The following PLXDC2 variants were observed in gnomAD, a reference collection of about 807,000 sequenced individuals.
PLXDC2 encodes plexin domain-containing protein 2.
In PLXDC2, 40 loss-of-function variants were observed where a neutral mutation model predicts 68.9. The ratio of observed to expected loss-of-function variants is 0.58; its 90% CI spans 0.45 to 0.76. The LOEUF (loss-of-function observed/expected upper bound fraction) is 0.76, where lower values mean the gene tolerates loss of function less well. Among genes scored for constraint, PLXDC2 ranks in the 30% least tolerant of loss-of-function variants. PLXDC2 has a pLI of 0.00. For missense variants in PLXDC2, 644 were observed against 661.9 expected (o/e 0.97, Z 0.30); for synonymous variants, 243 against 234.2 (o/e 1.04, Z -0.34).
At chr10:19,886,989 A>G (rs1361572660) in intron 1 of PLXDC2, among the ~76,000 whole-genome samples, 1 of 152,208 alleles carries the variant, frequency 6.6e-6, no homozygotes, top group Non-Finnish European at 1.5e-5. Context: ...AATGAAAAAC[A>G]TAGTGTCTCA....
chr10:19,917,581 A>G (rs1030573507), intron 1 of PLXDC2, among the ~76,000 whole-genome samples: 1 of 152,160 alleles, frequency 6.6e-6, no homozygotes, highest in African/African-American at 2.4e-5. Flanking sequence ...CAGTTTCTGG[A>G]TTTTAAGCAC....
At chr10:20,023,539 T>C (rs1195680048) in intron 2 of PLXDC2, among the ~76,000 whole-genome samples, 1 of 152,152 alleles carries the variant, frequency 6.6e-6, no homozygotes, top group African/African-American at 2.4e-5. Flanking sequence ...GTTCAGCTCC[T>C]TTCTCTTGCT....
chr10:20,249,802 C>T (rs1306489416), intron 13 of PLXDC2, among the ~76,000 whole-genome samples: 12 of 152,160 alleles, frequency 7.9e-5, no homozygotes, highest in Admixed American at 3.3e-4. Context: ...ATGCATCACA[C>T]GCTTCCAATT....
intron 4 of PLXDC2, among the ~76,000 whole-genome samples, chr10:20,117,501 T>C (rs1833637525): frequency 6.6e-6 from 1 of 152,212 alleles, no homozygotes; most frequent in Admixed American, 6.5e-5. Context: ...AGGCAGACAG[T>C]TGATGGACTC....
chr10:20,171,659 AT>A (rs1410514050), intron 7 of PLXDC2, among the ~76,000 whole-genome samples: 1 of 152,162 alleles, frequency 6.6e-6, no homozygotes, highest in Non-Finnish European at 1.5e-5. Context: ...TGATTAATCA[AT>A]TTTTACATAT....
intron 12 of PLXDC2, among the ~76,000 whole-genome samples, chr10:20,241,859 T>C (rs537684814): frequency 1.3e-5 from 2 of 152,132 alleles, no homozygotes; most frequent in African/African-American, 4.8e-5. Flanking sequence ...AAGGACTGTT[T>C]ATGATGGCAG....
chr10:19,816,909 C>T lies in PLXDC2; in HGVS notation c.-171C>T, dbSNP rs1448084291. 1.2e-5 allele frequency: 7 copies of T among 604,390 alleles called. No homozygotes were observed. Among genetic ancestry groups the T allele is most frequent in the African/African-American group, 3.7e-5 (2 of 53,818 alleles). The allele number at this position is 604,390 out of a possible 1,614,324, so 37.4% of individuals were successfully genotyped here. ...AGCGCTGCGCTCCTACTCGCGTTCG[C>T]TTCTTCCTCTTCTCGGTTCCCTACT... On this transcript the variant is annotated 5_prime_UTR_variant, in exon 1 of 14. Transcript: ENST00000377252.
At chr10:19,992,037 A>G (rs1834759738) in intron 1 of PLXDC2, among the ~76,000 whole-genome samples, 2 of 152,244 alleles carry the variant, frequency 1.3e-5, no homozygotes, top group South Asian at 2.1e-4. Context: ...AAAGATGAAT[A>G]GCAGTGTGAA....
intron 1 of PLXDC2, among the ~76,000 whole-genome samples, chr10:19,884,270 T>C (rs1054333377): frequency 1.3e-5 from 2 of 152,182 alleles, no homozygotes; most frequent in African/African-American, 2.4e-5. Context: ...TGATATTTGC[T>C]ATGTCAGAAA....
intron 9 of PLXDC2, 22 bp downstream of exon 9, chr10:20,177,431 T>A: frequency 8.5e-7 from 1 of 1,170,846 alleles, no homozygotes. Flanking sequence ...ATAATAAGAA[T>A]AATAATAAAA....
intron 10 of PLXDC2, among the ~76,000 whole-genome samples, chr10:20,213,132 C>T (rs1835090901): frequency 6.6e-6 from 1 of 151,920 alleles, no homozygotes; most frequent in African/African-American, 2.4e-5. Context: ...ATTTTCCTAC[C>T]AAATTCCATC....
At chr10:20,116,632 T>C (rs1160482484) in intron 4 of PLXDC2, among the ~76,000 whole-genome samples, 2 of 152,208 alleles carry the variant, frequency 1.3e-5, no homozygotes, top group African/African-American at 4.8e-5. Flanking sequence ...GGTATTTGGA[T>C]ACCTACAGAT....
intron 13 of PLXDC2, among the ~76,000 whole-genome samples, chr10:20,278,760 A>C (rs1836042106): frequency 6.6e-6 from 1 of 152,198 alleles, no homozygotes. Flanking sequence ...CTGACATATA[A>C]CCTGTTTTAC....
chr10:20,209,857 G>A (rs1835045333), intron 9 of PLXDC2, among the ~76,000 whole-genome samples: 1 of 152,160 alleles, frequency 6.6e-6, no homozygotes. Flanking sequence ...GACTGGGGAG[G>A]TGATAAGTGT....
intron 1 of PLXDC2, among the ~76,000 whole-genome samples, chr10:19,963,679 G>A (rs1054486066): frequency 6.6e-6 from 1 of 152,074 alleles, no homozygotes; most frequent in Non-Finnish European, 1.5e-5. Flanking sequence ...ACACACCGGG[G>A]CCTGTTGTGG....
chr10:20,148,565 T>G (rs1359038651), intron 6 of PLXDC2, among the ~76,000 whole-genome samples: 3 of 152,176 alleles, frequency 2.0e-5, no homozygotes, highest in Non-Finnish European at 4.4e-5. Context: ...CTAGAATAAC[T>G]GTGTGTTTGA....
chr10:19,983,526 G>C (rs12263607), intron 1 of PLXDC2, among the ~76,000 whole-genome samples: 2 of 151,854 alleles, frequency 1.3e-5, no homozygotes, highest in African/African-American at 4.8e-5. Flanking sequence ...GAGGGGGTGA[G>C]GACATTAAGT....
At chr10:20,247,173 C>T (rs1171002017) in intron 13 of PLXDC2, among the ~76,000 whole-genome samples, 1 of 151,792 alleles carries the variant, frequency 6.6e-6, no homozygotes, top group Non-Finnish European at 1.5e-5. Context: ...TCAAAAATTC[C>T]TCCTGGTGAG....
At chr10:20,239,547 G>A (rs1835485827) in intron 12 of PLXDC2, among the ~76,000 whole-genome samples, 1 of 152,150 alleles carries the variant, frequency 6.6e-6, no homozygotes, top group Non-Finnish European at 1.5e-5. Flanking sequence ...CAGATCTCAT[G>A]GGGACTCACT....
Sources: allele counts gnomAD v4.1 joint callset (sites outside exome capture counted in the v4.1 genomes callset), GRCh38; gene constraint gnomAD v4.1.1; transcripts MANE v1.5; gene names NCBI Gene and HGNC (gene_info 2026-07-23, HGNC 2026-07-21).